The following HECW2 variants were observed in gnomAD, a reference collection of about 807,000 sequenced individuals.
The protein encoded by HECW2 is E3 ubiquitin-protein ligase HECW2.
A neutral mutation model predicts 175.2 loss-of-function variants in HECW2; 61 were observed. The observed-to-expected ratio is 0.35, with a 90% CI of 0.28 to 0.43. The LOEUF (loss-of-function observed/expected upper bound fraction) is 0.43, where lower values mean the gene tolerates loss of function less well. Ranked by LOEUF, HECW2 falls within the 20% of genes least tolerant of loss-of-function variation. The pLI is 1.00. For synonymous variants in HECW2, 671 were observed against 731.0 expected, an observed-to-expected ratio of 0.92 and a Z score of 1.32; for missense variants, 1,524 against 2,000.5, an observed-to-expected ratio of 0.76 and a Z score of 4.54.
At chr2:196,374,663 A>G (rs561693564) in intron 2 of HECW2, among the ~76,000 whole-genome samples, 2 of 152,308 alleles carry the variant, frequency 1.3e-5, no homozygotes, top group South Asian at 2.1e-4. Context: ...AATATTCAGA[A>G]AGAAGTTTTC....
chr2:196,203,931 C>T (rs79421791), intron 28 of HECW2, among the ~76,000 whole-genome samples: 10,090 of 152,194 alleles, frequency 0.066, 457 homozygotes, highest in Admixed American at 0.098. Context: ...AATTTCACTA[C>T]CCTATGTACT....
intron 1 of HECW2, among the ~76,000 whole-genome samples, chr2:196,531,618 T>C (rs1441234823): frequency 6.7e-6 from 1 of 148,706 alleles, no homozygotes; most frequent in African/African-American, 2.6e-5. Flanking sequence ...CCTGAGATCG[T>C]ACCACTGCAG....
intron 14 of HECW2, among the ~76,000 whole-genome samples, chr2:196,282,980 G>T (rs1483226795): frequency 1.3e-5 from 2 of 152,076 alleles, no homozygotes; most frequent in Admixed American, 6.6e-5. Flanking sequence ...GGAAGGAGCG[G>T]CTAGGTGTGG....
intron 22 of HECW2, 73 bp downstream of exon 22, chr2:196,228,029 A>G: frequency 7.4e-7 from 1 of 1,347,940 alleles, no homozygotes. Context: ...TTAATGTTTA[A>G]ATGTGGGTTC....
chr2:196,326,760 T>C (rs1692168551), intron 5 of HECW2, among the ~76,000 whole-genome samples: 1 of 152,092 alleles, frequency 6.6e-6, no homozygotes, highest in African/African-American at 2.4e-5. Context: ...ATGAAATATA[T>C]AGCAAGATCT....
At chr2:196,447,759 A>G (rs1203528158) in intron 1 of HECW2, among the ~76,000 whole-genome samples, 2 of 152,162 alleles carry the variant, frequency 1.3e-5, no homozygotes, top group African/African-American at 2.4e-5. Context: ...CAACCCTCTA[A>G]AAGTTTCAAC....
At chr2:196,256,093 T>A (rs533340705) in intron 18 of HECW2, among the ~76,000 whole-genome samples, 1 of 152,066 alleles carries the variant, frequency 6.6e-6, no homozygotes, top group East Asian at 1.9e-4. Flanking sequence ...AAATAAATAA[T>A]TGAGGACATG....
intron 2 of HECW2, among the ~76,000 whole-genome samples, chr2:196,408,028 C>A (rs1471461100): frequency 6.6e-6 from 1 of 152,206 alleles, no homozygotes; most frequent in Non-Finnish European, 1.5e-5. Flanking sequence ...AAGTTTCACA[C>A]CATCCAGCAC....
chr2:196,324,820 C>A (rs1473921442), intron 6 of HECW2, among the ~76,000 whole-genome samples, 160 bp downstream of exon 6: 4 of 152,130 alleles, frequency 2.6e-5, no homozygotes, highest in African/African-American at 9.7e-5. Flanking sequence ...CTAGACCTGG[C>A]TCTGGAGAGA....
At position 196,417,439 on chromosome 2, in the gene HECW2, T is replaced by C. The variant is rs540225183; in HGVS notation, c.292+15693A>G. On this transcript the variant is annotated intron_variant, in intron 2 of 28. Transcript: ENST00000644978. ...AGAATTTTACAAGTAATAATCCTGA[T>C]TATTTTTAATTAAAAAAATTTTTAG... Among the ~76,000 whole-genome samples, 12 of 152,340 alleles carry C rather than the reference T, an allele frequency of 7.9e-5. No homozygotes were observed. The South Asian group carries it at 2.3e-3, about 29-fold the overall frequency.
At chr2:196,253,779 G>A in intron 19 of HECW2, 141 bp downstream of exon 19, 1 of 652,548 alleles carries the variant, frequency 1.5e-6, no homozygotes, top group Non-Finnish European at 2.6e-6. Flanking sequence ...TTACGAGACA[G>A]GAAATGCACA....
chr2:196,591,832 C>T (rs1299071397), intron 1 of HECW2, among the ~76,000 whole-genome samples: 1 of 152,156 alleles, frequency 6.6e-6, no homozygotes, highest in Non-Finnish European at 1.5e-5. Flanking sequence ...TATCCCCATC[C>T]AGATTAGGCC....
At chr2:196,427,884 A>G (rs1460325968) in intron 2 of HECW2, among the ~76,000 whole-genome samples, 1 of 152,128 alleles carries the variant, frequency 6.6e-6, no homozygotes, top group Non-Finnish European at 1.5e-5. Flanking sequence ...ATGCTTTGAT[A>G]TTTTCAACTT....
At chr2:196,532,654 G>C (rs910735431) in intron 1 of HECW2, among the ~76,000 whole-genome samples, 1 of 151,032 alleles carries the variant, frequency 6.6e-6, no homozygotes, top group Admixed American at 6.6e-5. Context: ...TGTGCAATAG[G>C]GAATAAAAGT....
chr2:196,240,812 T>C (rs1246480318), intron 20 of HECW2, among the ~76,000 whole-genome samples: 1 of 145,594 alleles, frequency 6.9e-6, no homozygotes, highest in Non-Finnish European at 1.5e-5. Context: ...GAGAATCCTA[T>C]CTAAATGGTC....
intron 1 of HECW2, among the ~76,000 whole-genome samples, chr2:196,486,164 TAAGG>T (rs762649116): frequency 1.3e-5 from 2 of 152,098 alleles, no homozygotes; most frequent in Non-Finnish European, 2.9e-5. Context: ...AAGTTATGAA[TAAGG>T]AAGGAAGGAA....
intron 24 of HECW2, among the ~76,000 whole-genome samples, chr2:196,221,482 AT>A (rs1687668894): frequency 6.6e-6 from 1 of 152,142 alleles, no homozygotes; most frequent in Admixed American, 6.5e-5. Flanking sequence ...AAAAATTAAT[AT>A]ATTCTGTTCT....
intron 5 of HECW2, among the ~76,000 whole-genome samples, chr2:196,325,527 C>T (rs1015575612): frequency 2.6e-5 from 4 of 152,192 alleles, no homozygotes; most frequent in African/African-American, 9.7e-5. Flanking sequence ...ATCTTCACCA[C>T]CTTTTTCCTA....
chr2:196,360,113 A>T (rs2105880290), intron 2 of HECW2, among the ~76,000 whole-genome samples: 1 of 152,336 alleles, frequency 6.6e-6, no homozygotes, highest in South Asian at 2.1e-4. Context: ...TCTAAAAAAA[A>T]ATTACACAAA....
Sources: gnomAD v4.1 joint callset for allele counts (sites outside exome capture counted in the v4.1 genomes callset) on GRCh38, gnomAD v4.1.1 for gene constraint, MANE v1.5 for transcripts, NCBI Gene and HGNC (gene_info 2026-07-23, HGNC 2026-07-21) for gene names.